NR6A1: variants seen among roughly 807,000 people sequenced by gnomAD.
The protein encoded by NR6A1 is retinoic acid receptor-related testis-associated receptor.
A neutral mutation model predicts 59.1 loss-of-function variants in NR6A1; 7 were observed. The ratio of observed to expected loss-of-function variants is 0.12; its 90% confidence interval spans 0.07 to 0.22. NR6A1 has a LOEUF of 0.22. Ranked by LOEUF, NR6A1 falls within the 10% of genes least tolerant of loss-of-function variation. The probability of loss-of-function intolerance (pLI) is 1.00; values close to 1 mark genes in which losing one functional copy is unlikely to be tolerated. For synonymous variants in NR6A1, 243 were observed against 236.1 expected (o/e 1.03, Z -0.27); for missense variants, 468 against 611.6 (o/e 0.77, Z 2.48).
At chr9:124,733,455 C>G in intron 1 of NR6A1, 106 bp from the exon 2 acceptor site, 1 of 857,076 alleles carries the variant, frequency 1.2e-6, no homozygotes, top group African/African-American at 1.7e-5. Context: ...ACTCAGAAGT[C>G]AATTTGGGTT....
At position 124,655,660 on chromosome 9, in the gene NR6A1, G is replaced by A. The variant is rs151074580; in HGVS notation, c.142+77648C>T. On this transcript the variant is annotated intron_variant, in intron 2 of 9. Coordinates refer to ENST00000487099, the MANE Select transcript of NR6A1 (RefSeq NM_033334.4). ...AACAGAATTACTAGGAATATAGTAT[G>A]TATTAGGTGTCATCCAGGAAGGCTG... 8.5e-5 allele frequency among the ~76,000 whole-genome samples: 13 copies of A among 152,240 alleles called. No homozygotes were observed. In the East Asian group the frequency reaches 2.1e-3, roughly 25 times the overall value.
intron 2 of NR6A1, among the ~76,000 whole-genome samples, chr9:124,603,279 C>T (rs1835493554): frequency 6.6e-6 from 1 of 152,182 alleles, no homozygotes; most frequent in African/African-American, 2.4e-5. Flanking sequence ...AATTAGATGG[C>T]TCCTCGAGAG....
At chr9:124,595,007 C>T (rs1292412609) in intron 2 of NR6A1, among the ~76,000 whole-genome samples, 1 of 152,218 alleles carries the variant, frequency 6.6e-6, no homozygotes, top group Non-Finnish European at 1.5e-5. Context: ...TTAGCTTGTA[C>T]TTCATAAACA....
At chr9:124,613,392 A>C (rs1835808504) in intron 2 of NR6A1, among the ~76,000 whole-genome samples, 1 of 152,072 alleles carries the variant, frequency 6.6e-6, no homozygotes, top group Non-Finnish European at 1.5e-5. Flanking sequence ...CACACCTATA[A>C]TACCACCACT....
chr9:124,649,822 A>T (rs1193488695), intron 2 of NR6A1, among the ~76,000 whole-genome samples: 2 of 152,216 alleles, frequency 1.3e-5, no homozygotes, highest in East Asian at 3.8e-4. Context: ...GCAGACACAC[A>T]AATGGCTAAC....
At chr9:124,642,537 C>T (rs1461981508) in intron 2 of NR6A1, among the ~76,000 whole-genome samples, 1 of 152,128 alleles carries the variant, frequency 6.6e-6, no homozygotes, top group Admixed American at 6.5e-5. Flanking sequence ...TTAGCAGAAT[C>T]CCTGGCCTCT....
intron 2 of NR6A1, among the ~76,000 whole-genome samples, chr9:124,633,274 G>A (rs970069649): frequency 1.1e-4 from 16 of 151,648 alleles, no homozygotes; most frequent in Non-Finnish European, 2.1e-4. Flanking sequence ...ATGGTGGCGC[G>A]CGCCTGTAGT....
chr9:124,668,491 A>C (rs1837695342), intron 2 of NR6A1, among the ~76,000 whole-genome samples: 1 of 152,244 alleles, frequency 6.6e-6, no homozygotes. Flanking sequence ...AATGACACTG[A>C]TATATTAATA....
At chr9:124,732,968 A>C (rs1236007307) in intron 2 of NR6A1, among the ~76,000 whole-genome samples, 1 of 152,202 alleles carries the variant, frequency 6.6e-6, no homozygotes, top group African/African-American at 2.4e-5. Flanking sequence ...AAGTGCTGGG[A>C]TTACAGGCGT....
chr9:124,519,968 C>CAG lies in NR6A1; in HGVS notation c.*2735_*2736dup, dbSNP rs967360032. The CAG allele has an allele frequency of 2.1e-5, 3 of 142,894 alleles. No individual in the cohort carries two copies. The highest frequency in any genetic ancestry group is 8.1e-5 in the African/African-American group (3 of 37,058). The allele number at this position is 142,894 out of a possible 1,614,324, so 8.9% of individuals were successfully genotyped here. ...GTGAGTGCTTTTGGTGGTTGGGGAT[C>CAG]AGAGAGAGGGCAGAAAGAGAAATTA... On this transcript the variant is annotated 3_prime_UTR_variant, in exon 10 of 10. Coordinates refer to ENST00000487099, the MANE Select transcript of NR6A1 (RefSeq NM_033334.4).
At chr9:124,541,416 A>G (rs982873095) in intron 4 of NR6A1, among the ~76,000 whole-genome samples, 1 of 152,196 alleles carries the variant, frequency 6.6e-6, no homozygotes, top group Admixed American at 6.5e-5. Context: ...ACAAATCAAA[A>G]CTTGAAGATA....
chr9:124,707,743 T>C (rs113879803), intron 2 of NR6A1, among the ~76,000 whole-genome samples: 1 of 152,214 alleles, frequency 6.6e-6, no homozygotes, highest in Non-Finnish European at 1.5e-5. Flanking sequence ...TAGTTCCTGA[T>C]GGCTCCGGTT....
At position 124,536,024 on chromosome 9, in the gene NR6A1, G is replaced by C. The variant is rs778592283; in HGVS notation, c.933C>G (p.Leu311=). 8 of 1,614,112 alleles carry C rather than the reference G, an allele frequency of 5.0e-6. No individual in the cohort carries two copies. The African/African-American group carries it at 1.1e-4, about 22-fold the overall frequency. Residue 311 remains leucine (L), a synonymous_variant, in exon 7 of 10, where the codon CTC becomes CTG. Coordinates refer to ENST00000487099, the MANE Select transcript of NR6A1 (RefSeq NM_033334.4). ...WIKKLPFFCE[L]SIKDYTCLLS... ...AGAGGCACGTGTAATCCTTGATTGA[G>C]AGCTCGCAGAAGAAAGGCAGTTTCT... is the stretch of plus-strand genomic sequence containing the variant.
intron 2 of NR6A1, among the ~76,000 whole-genome samples, chr9:124,714,092 A>G (rs1839353054): frequency 6.6e-6 from 1 of 152,218 alleles, no homozygotes; most frequent in Non-Finnish European, 1.5e-5. Context: ...ACACTATACA[A>G]CATAGATAAA....
chr9:124,756,650 T>A (rs1396263336), intron 1 of NR6A1, among the ~76,000 whole-genome samples: 1 of 152,198 alleles, frequency 6.6e-6, no homozygotes. Context: ...GGATAGAAAC[T>A]AGCCACTGAG....
intron 1 of NR6A1, among the ~76,000 whole-genome samples, chr9:124,740,508 G>A (rs1273718314): frequency 3.3e-5 from 5 of 152,120 alleles, no homozygotes; most frequent in African/African-American, 1.2e-4. Context: ...GAAAGCCAAA[G>A]GTCAAAATAG....
At chr9:124,574,033 A>G (rs945606723) in intron 2 of NR6A1, among the ~76,000 whole-genome samples, 2 of 152,234 alleles carry the variant, frequency 1.3e-5, no homozygotes, top group African/African-American at 4.8e-5. Flanking sequence ...GTAAATATGT[A>G]CTGACACTGG....
At chr9:124,664,856 T>C (rs1012131964) in intron 2 of NR6A1, among the ~76,000 whole-genome samples, 28 of 151,838 alleles carry the variant, frequency 1.8e-4, no homozygotes, top group African/African-American at 6.0e-4. Context: ...GGGATAACCA[T>C]GGGCCAGAAG....
intron 2 of NR6A1, among the ~76,000 whole-genome samples, chr9:124,607,773 G>C (rs780374768): frequency 6.6e-6 from 1 of 152,086 alleles, no homozygotes; most frequent in African/African-American, 2.4e-5. Flanking sequence ...GGGTGGGCAC[G>C]GTGGCCAACA....
Sources: gnomAD v4.1 joint callset for allele counts (sites outside exome capture counted in the v4.1 genomes callset) on GRCh38, gnomAD v4.1.1 for gene constraint, MANE v1.5 for transcripts, NCBI Gene and HGNC (gene_info 2026-07-23, HGNC 2026-07-21) for gene names.